The following PIEZO2 variants were observed in gnomAD, a reference collection of about 807,000 sequenced individuals.
The protein encoded by PIEZO2 is piezo-type mechanosensitive ion channel component 2.
Under a neutral mutation model 337.3 loss-of-function variants are expected in PIEZO2, and 172 were observed. The ratio of observed to expected loss-of-function variants is 0.51; its 90% confidence interval spans 0.45 to 0.58. The LOEUF (loss-of-function observed/expected upper bound fraction) is 0.58, where lower values mean the gene tolerates loss of function less well. Ranked by LOEUF, PIEZO2 falls within the 20% of genes least tolerant of loss-of-function variation. The pLI is 0.00. For missense variants in PIEZO2, 3,028 were observed against 3,391.3 expected, an observed-to-expected ratio of 0.89 and a Z score of 2.66; for synonymous variants, 1,251 against 1,228.5, an observed-to-expected ratio of 1.02 and a Z score of -0.38.
chr18:10,788,429 AG>A (rs1453280800), intron 15 of PIEZO2, among the ~76,000 whole-genome samples: 12 of 35,070 alleles, frequency 3.4e-4, no homozygotes, highest in African/African-American at 1.3e-3. Context: ...AAAGAAAGAA[AG>A]GAAGGAAGGA....
intron 17 of PIEZO2, 104 bp from the exon 18 acceptor site, chr18:10,780,470 C>A: frequency 1.5e-6 from 1 of 681,622 alleles, no homozygotes; most frequent in South Asian, 1.5e-5. Flanking sequence ...CTCCCTTAAG[C>A]TTCCTAGCAT....
intron 52 of PIEZO2, among the ~76,000 whole-genome samples, chr18:10,679,841 T>G (rs963127678): frequency 6.6e-6 from 1 of 152,218 alleles, no homozygotes; most frequent in Non-Finnish European, 1.5e-5. Flanking sequence ...GAAATTTAAG[T>G]GTTGTTTCAC....
intron 31 of PIEZO2, among the ~76,000 whole-genome samples, chr18:10,743,806 G>A (rs2037318310): frequency 6.6e-6 from 1 of 152,128 alleles, no homozygotes; most frequent in South Asian, 2.1e-4. Context: ...AGAATTGTGA[G>A]CCCTAATTTA....
At chr18:10,844,422 G>GATAAAATAAAATAAA (rs11268090) in intron 7 of PIEZO2, among the ~76,000 whole-genome samples, 1,507 of 144,372 alleles carry the variant, frequency 0.01, 29 homozygotes, top group African/African-American at 0.034. Context: ...TGTCTCAAAA[G>GATAAAATAAAATAAA]ATAAAATAAA....
At chr18:10,699,292 G>C in intron 43 of PIEZO2, 115 bp from the exon 44 acceptor site, 3 of 1,394,650 alleles carry the variant, frequency 2.2e-6, no homozygotes, top group South Asian at 2.6e-5. Flanking sequence ...AAAGCAAGAT[G>C]ATATGGTTTG....
Position 10,784,714 on chromosome 18 carries a change from C to T in PIEZO2, c.2492+70G>A, listed in dbSNP as rs983526363. Reference sequence around the variant, plus strand: ...AGATTACTGGCTTCTCGCAAGGTGGCCAACCTAAGGTAGGGTTGAAGAGCT... The same window carrying T: ...AGATTACTGGCTTCTCGCAAGGTGGTCAACCTAAGGTAGGGTTGAAGAGCT... On this transcript the variant is annotated intron_variant, in intron 17 of 55. Transcript: ENST00000674853. The surrounding 1 kb of genome is among the most constrained non-coding windows in gnomAD (Gnocchi z 4.5). 2.3e-6 allele frequency: 3 copies of T among 1,314,268 alleles called. No homozygotes were observed. The highest frequency in any genetic ancestry group is 7.1e-5 in the Admixed American group (2 of 28,318). 81.4% of individuals were successfully genotyped at this position (1,314,268 alleles called of 1,614,324 possible).
intron 4 of PIEZO2, among the ~76,000 whole-genome samples, chr18:10,906,438 G>A (rs1490707841): frequency 2.0e-5 from 3 of 152,064 alleles, no homozygotes; most frequent in Admixed American, 2.0e-4. Flanking sequence ...ATTTCTGCTG[G>A]CAAATTAATA....
chr18:10,731,617 T>C, intron 35 of PIEZO2, 96 bp from the exon 36 acceptor site: 2 of 728,418 alleles, frequency 2.7e-6, no homozygotes, highest in Non-Finnish European at 4.0e-6. Flanking sequence ...TATTTTTTCC[T>C]CCCAACACAA....
At chr18:11,087,910 C>G (rs750030007) in intron 1 of PIEZO2, among the ~76,000 whole-genome samples, 6 of 152,256 alleles carry the variant, frequency 3.9e-5, no homozygotes, top group Non-Finnish European at 7.3e-5. Context: ...TGCTTGCAGT[C>G]CCTGCTGCTT....
At chr18:11,079,157 A>G (rs2038648809) in intron 1 of PIEZO2, among the ~76,000 whole-genome samples, 1 of 152,190 alleles carries the variant, frequency 6.6e-6, no homozygotes. Flanking sequence ...ACCCAGGCAT[A>G]GACGTTGTTT....
At chr18:10,946,950 G>A (rs557018050) in intron 3 of PIEZO2, among the ~76,000 whole-genome samples, 11 of 152,028 alleles carry the variant, frequency 7.2e-5, no homozygotes, top group South Asian at 4.2e-4. Context: ...GTAAACATAC[G>A]TCAACCAGCA....
chr18:10,696,710 C>A lies in PIEZO2; in HGVS notation c.6828-171G>T, dbSNP rs947464884. Among the ~76,000 whole-genome samples, 3 of 152,318 alleles carry A rather than the reference C, an allele frequency of 2.0e-5. No individual in the cohort carries two copies. In the South Asian group the frequency reaches 6.2e-4, roughly 32 times the overall value. On this transcript the variant is annotated intron_variant, in intron 45 of 55. Transcript: ENST00000674853. Reference sequence around the variant, plus strand: ...CCGCTGTGGACAGCTCCTGTTCTAACGGAGAGCGTATACACATTTACTGCC... The same window carrying A: ...CCGCTGTGGACAGCTCCTGTTCTAAAGGAGAGCGTATACACATTTACTGCC...
chr18:10,876,992 C>A (rs140537534), intron 4 of PIEZO2, among the ~76,000 whole-genome samples: 1 of 152,150 alleles, frequency 6.6e-6, no homozygotes, highest in Non-Finnish European at 1.5e-5. Flanking sequence ...TCTCCGTTCC[C>A]GTGGTTTTCT....
intron 7 of PIEZO2, among the ~76,000 whole-genome samples, chr18:10,841,797 G>A (rs2041200900): frequency 6.6e-6 from 1 of 152,160 alleles, no homozygotes. Context: ...TAATAGTATT[G>A]TAATTTTGGG....
intron 1 of PIEZO2, among the ~76,000 whole-genome samples, chr18:11,140,693 T>C (rs748275963): frequency 2.6e-5 from 4 of 152,198 alleles, no homozygotes; most frequent in Non-Finnish European, 4.4e-5. Flanking sequence ...GAGGCACAGA[T>C]GATACTGTTA....
At chr18:10,904,806 G>T (rs2043135508) in intron 4 of PIEZO2, among the ~76,000 whole-genome samples, 1 of 152,228 alleles carries the variant, frequency 6.6e-6, no homozygotes, top group South Asian at 2.1e-4. Context: ...GAGATATGGG[G>T]TTGTTCGCCC....
intron 3 of PIEZO2, among the ~76,000 whole-genome samples, chr18:10,931,777 T>C (rs264255): frequency 0.028 from 4,232 of 152,130 alleles, 85 homozygotes; most frequent in Middle Eastern, 0.058. Context: ...ACAGACTTAA[T>C]TTCTTGTAAT....
At chr18:10,722,459 T>C (rs1336273562) in intron 36 of PIEZO2, among the ~76,000 whole-genome samples, 1 of 151,326 alleles carries the variant, frequency 6.6e-6, no homozygotes, top group African/African-American at 2.5e-5. Context: ...CTCGAACTCC[T>C]GATCTCGTAA....
At chr18:10,688,115 C>T (rs1034523940) in intron 49 of PIEZO2, among the ~76,000 whole-genome samples, 1 of 151,954 alleles carries the variant, frequency 6.6e-6, no homozygotes, top group African/African-American at 2.4e-5. Flanking sequence ...GTTTTAAGCC[C>T]CCCATGCGTT....
Sources: allele counts gnomAD v4.1 joint callset (sites outside exome capture counted in the v4.1 genomes callset), GRCh38; gene constraint gnomAD v4.1.1; non-coding constraint Gnocchi (gnomAD v3.1); transcripts MANE v1.5; gene names NCBI Gene and HGNC (gene_info 2026-07-23, HGNC 2026-07-21).